The following FAM110B variants were observed in gnomAD, a reference collection of about 807,000 sequenced individuals.
FAM110B encodes the protein family with sequence similarity 110 member B.
FAM110B carries 6 observed loss-of-function variants against 20.4 expected under a neutral mutation model. The observed-to-expected ratio is 0.29, with a 90% confidence interval of 0.16 to 0.58. The LOEUF is 0.58. FAM110B is among the 20% of genes least tolerant of loss of function. The probability of loss-of-function intolerance (pLI) is 0.90; values close to 1 mark genes in which losing one functional copy is unlikely to be tolerated. For missense variants in FAM110B, 434 were observed against 498.2 expected (o/e 0.87, Z 1.23); for synonymous variants, 226 against 214.1 (o/e 1.06, Z -0.49).
At chr8:58,131,028 G>T (rs922240482) in intron 3 of FAM110B, among the ~76,000 whole-genome samples, 2 of 152,052 alleles carry the variant, frequency 1.3e-5, no homozygotes, top group Non-Finnish European at 2.9e-5. Flanking sequence ...ATAGGCACAG[G>T]CCCCATCCCA....
chr8:58,105,866 G>A (rs1054539316), intron 3 of FAM110B, among the ~76,000 whole-genome samples: 1 of 151,928 alleles, frequency 6.6e-6, no homozygotes, highest in Admixed American at 6.6e-5. Context: ...CACTGCACCC[G>A]GCCTGAATGA....
In FAM110B at chr8:58,094,433, A is replaced by C. The variant is rs545608695; in HGVS notation, c.-325+18810A>C. Among the ~76,000 whole-genome samples, 10 of 152,294 alleles carry C rather than the reference A, an allele frequency of 6.6e-5. No individual in the cohort carries two copies. The South Asian group carries it at 2.1e-3, about 32-fold the overall frequency. Reference sequence around the variant, plus strand: ...TTTGAGATACGTTCCACCAATACCTACTTTATTGAGAGTTTTTAGCATGAA... The same window carrying C: ...TTTGAGATACGTTCCACCAATACCTCCTTTATTGAGAGTTTTTAGCATGAA... On this transcript the variant is annotated intron_variant, in intron 3 of 3. Coordinates refer to ENST00000519262, the MANE Select transcript of FAM110B (RefSeq NM_001377989.1).
chr8:58,025,758 G>T (rs190763285), intron 1 of FAM110B, among the ~76,000 whole-genome samples: 1 of 152,280 alleles, frequency 6.6e-6, no homozygotes, highest in East Asian at 1.9e-4. Context: ...ATTTGAGATT[G>T]TTCAATTGCC....
At chr8:58,080,387 A>T (rs1806159777) in intron 3 of FAM110B, among the ~76,000 whole-genome samples, 1 of 152,252 alleles carries the variant, frequency 6.6e-6, no homozygotes, top group Admixed American at 6.5e-5. Context: ...CAAAAAGGTC[A>T]TACAAAGAGG....
At chr8:58,072,716 T>G (rs1225720988) in intron 2 of FAM110B, among the ~76,000 whole-genome samples, 1 of 152,202 alleles carries the variant, frequency 6.6e-6, no homozygotes, top group East Asian at 1.9e-4. Context: ...AGCATAAACA[T>G]ACATATCATA....
intron 1 of FAM110B, among the ~76,000 whole-genome samples, chr8:57,999,403 T>A (rs148980037): frequency 1.4e-3 from 220 of 152,348 alleles, no homozygotes; most frequent in African/African-American, 4.8e-3. Flanking sequence ...GTGGTTGTGT[T>A]GTAATGCAAA....
At chr8:58,002,358 T>C (rs942033829) in intron 1 of FAM110B, among the ~76,000 whole-genome samples, 1 of 152,266 alleles carries the variant, frequency 6.6e-6, no homozygotes, top group Non-Finnish European at 1.5e-5. Context: ...TTAAATGAGC[T>C]GACTCCAAGA....
At chr8:58,083,797 C>A (rs866878365) in intron 3 of FAM110B, among the ~76,000 whole-genome samples, 1 of 152,158 alleles carries the variant, frequency 6.6e-6, no homozygotes, top group Non-Finnish European at 1.5e-5. Flanking sequence ...GATTAAGAAC[C>A]TTTCCCACCT....
At chr8:58,080,914 A>G (rs553260214) in intron 3 of FAM110B, among the ~76,000 whole-genome samples, 1 of 152,238 alleles carries the variant, frequency 6.6e-6, no homozygotes, top group South Asian at 2.1e-4. Context: ...CTAGTTCTCT[A>G]TGATACATTT....
At chr8:58,029,345 T>C (rs1325825514) in intron 1 of FAM110B, among the ~76,000 whole-genome samples, 2 of 152,210 alleles carry the variant, frequency 1.3e-5, no homozygotes, top group African/African-American at 4.8e-5. Flanking sequence ...CTTTTTGTAT[T>C]AAATTTATCT....
chr8:58,029,687 G>A (rs148912206), intron 1 of FAM110B, among the ~76,000 whole-genome samples: 128 of 152,294 alleles, frequency 8.4e-4, no homozygotes, highest in Non-Finnish European at 1.4e-3. Flanking sequence ...GTGTGACTTT[G>A]AAGTGGTCAC....
At chr8:58,014,320 GCA>G (rs1804596941) in intron 1 of FAM110B, among the ~76,000 whole-genome samples, 1 of 152,236 alleles carries the variant, frequency 6.6e-6, no homozygotes, top group Admixed American at 6.5e-5. Flanking sequence ...GTCAACTGTA[GCA>G]CACAGTCACC....
At chr8:58,109,693 G>T (rs1343512409) in intron 3 of FAM110B, among the ~76,000 whole-genome samples, 1 of 152,158 alleles carries the variant, frequency 6.6e-6, no homozygotes, top group Non-Finnish European at 1.5e-5. Flanking sequence ...AGGCCAAAGT[G>T]CCTGGGATAC....
intron 3 of FAM110B, among the ~76,000 whole-genome samples, chr8:58,115,937 A>G (rs937870453): frequency 1.3e-5 from 2 of 152,200 alleles, no homozygotes; most frequent in African/African-American, 4.8e-5. Flanking sequence ...TCCCAGCCCA[A>G]CCACTTGGAA....
chr8:58,076,380 A>G (rs1806037196), intron 3 of FAM110B, among the ~76,000 whole-genome samples: 1 of 152,190 alleles, frequency 6.6e-6, no homozygotes, highest in Non-Finnish European at 1.5e-5. Context: ...GGCAGGGTCA[A>G]GAGAGCAGAA....
At chr8:58,016,999 C>T (rs927510350) in intron 1 of FAM110B, among the ~76,000 whole-genome samples, 4 of 152,064 alleles carry the variant, frequency 2.6e-5, no homozygotes, top group Non-Finnish European at 4.4e-5. Flanking sequence ...GACTGAGGCT[C>T]GAAACAGCAC....
At position 58,086,834 on chromosome 8, in the gene FAM110B, C is replaced by A. The variant is rs115715168; in HGVS notation, c.-325+11211C>A. ...AGGAATGTTAATGGGCTAATAGCTC[C>A]GTACTGTCATGACTGACTTATGTGA... On this transcript the variant is annotated intron_variant, in intron 3 of 3. Transcript: ENST00000519262. Among the ~76,000 whole-genome samples, 1,023 of 152,304 alleles carry A rather than the reference C, an allele frequency of 6.7e-3. 9 individuals are homozygous for A. The highest frequency in any genetic ancestry group is 0.023 in the African/African-American group (969 of 41,560).
At chr8:58,138,046 C>T (rs535717763) in intron 3 of FAM110B, among the ~76,000 whole-genome samples, 37 of 152,362 alleles carry the variant, frequency 2.4e-4, no homozygotes, top group African/African-American at 7.9e-4. Context: ...TATCAGACGG[C>T]TCTACCAGCC....
chr8:58,018,161 C>T (rs1252776976), intron 1 of FAM110B, among the ~76,000 whole-genome samples: 2 of 152,056 alleles, frequency 1.3e-5, no homozygotes, highest in Non-Finnish European at 2.9e-5. Context: ...TTTTTTCTGC[C>T]TGTTCTATCA....
Sources: gnomAD v4.1 joint callset for allele counts (sites outside exome capture counted in the v4.1 genomes callset) on GRCh38, gnomAD v4.1.1 for gene constraint, MANE v1.5 for transcripts, NCBI Gene and HGNC (gene_info 2026-07-23, HGNC 2026-07-21) for gene names.